Variants in CA10 observed in about 807,000 individuals in gnomAD.
CA10 encodes the protein carbonic anhydrase 10 (inactive), also known as carbonic anhydrase-related protein 10.
CA10 carries 14 observed loss-of-function variants against 44.2 expected under a neutral mutation model. That is an observed-to-expected ratio of 0.32 (90% CI 0.21 to 0.50). The LOEUF (loss-of-function observed/expected upper bound fraction) is 0.50, where lower values mean the gene tolerates loss of function less well. Among genes scored for constraint, CA10 ranks in the 20% least tolerant of loss-of-function variants. CA10 has a pLI of 0.99. For synonymous variants in CA10, 159 were observed against 141.6 expected (o/e 1.12, Z -0.87); for missense variants, 350 against 409.7 (o/e 0.85, Z 1.26).
intron 1 of CA10, among the ~76,000 whole-genome samples, chr17:52,133,409 G>A (rs192877081): frequency 2.6e-5 from 4 of 152,222 alleles, no homozygotes; most frequent in Admixed American, 6.5e-5. Context: ...TCAGAGATCC[G>A]CAATGCAGAG....
At chr17:52,039,162 G>A (rs1986699278) in intron 2 of CA10, among the ~76,000 whole-genome samples, 1 of 151,906 alleles carries the variant, frequency 6.6e-6, no homozygotes, top group Non-Finnish European at 1.5e-5. Context: ...TTATTTTCTT[G>A]TTCTTGATAT....
chr17:51,852,209 A>G (rs1802011997), intron 3 of CA10, among the ~76,000 whole-genome samples: 1 of 152,176 alleles, frequency 6.6e-6, no homozygotes, highest in South Asian at 2.1e-4. Flanking sequence ...GCAAGACAGT[A>G]TCAGGGTGGA....
intron 3 of CA10, among the ~76,000 whole-genome samples, chr17:51,929,754 C>A (rs77750959): frequency 2.2e-3 from 335 of 152,170 alleles, no homozygotes; most frequent in African/African-American, 7.6e-3. Context: ...AAGCTCCTTG[C>A]AGAATTTATA....
In CA10 at chr17:52,157,976, C is replaced by G. The variant is rs1989845683; in HGVS notation, c.-190G>C. The G allele has an allele frequency of 1.6e-6, 1 of 627,686 alleles. No homozygotes were observed. The highest frequency in any genetic ancestry group is 2.9e-6 in the Non-Finnish European group (1 of 347,856). 38.9% of individuals were successfully genotyped at this position (627,686 alleles called of 1,614,324 possible). On this transcript the variant is annotated 5_prime_UTR_variant, in exon 1 of 9. Coordinates refer to ENST00000451037, the MANE Select transcript of CA10 (RefSeq NM_020178.5). ...CGCAGTTTGAATTGTTCCGGCAAAT[C>G]TCCCCTCGGGCTCGACGGATGTGCG...
At chr17:51,982,231 G>T (rs534798867) in intron 2 of CA10, among the ~76,000 whole-genome samples, 2 of 152,012 alleles carry the variant, frequency 1.3e-5, no homozygotes, top group Non-Finnish European at 2.9e-5. Context: ...TTTAACATTT[G>T]CCAGTGTGTC....
chr17:52,112,076 G>A (rs1413267598), intron 1 of CA10, among the ~76,000 whole-genome samples: 2 of 151,952 alleles, frequency 1.3e-5, no homozygotes, highest in Non-Finnish European at 2.9e-5. Flanking sequence ...CTAAAGACTA[G>A]TTGTTGAATT....
intron 6 of CA10, among the ~76,000 whole-genome samples, chr17:51,638,544 T>C (rs1023110941): frequency 2.0e-5 from 3 of 152,204 alleles, no homozygotes; most frequent in African/African-American, 7.2e-5. Context: ...ACACACGACG[T>C]GAGGGACCTT....
At chr17:52,146,918 AT>A (rs911014649) in intron 1 of CA10, among the ~76,000 whole-genome samples, 3 of 151,574 alleles carry the variant, frequency 2.0e-5, no homozygotes, top group Non-Finnish European at 2.9e-5. Context: ...TAAATACAGA[AT>A]TTTTTTTCTT....
chr17:52,114,065 G>A (rs989812679), intron 1 of CA10, among the ~76,000 whole-genome samples: 16 of 152,210 alleles, frequency 1.1e-4, no homozygotes, highest in African/African-American at 3.9e-4. Context: ...GAGTCAGTAC[G>A]AATGAACAGG....
At chr17:51,985,991 GA>G (rs969365610) in intron 2 of CA10, among the ~76,000 whole-genome samples, 1 of 151,866 alleles carries the variant, frequency 6.6e-6, no homozygotes, top group East Asian at 1.9e-4. Flanking sequence ...TACAGAACTA[GA>G]AAAAACAATT....
chr17:51,988,018 TA>T (rs1984905752), intron 2 of CA10, among the ~76,000 whole-genome samples: 1 of 152,074 alleles, frequency 6.6e-6, no homozygotes, highest in Non-Finnish European at 1.5e-5. Context: ...TTCAAAATAA[TA>T]ATGTATCTTG....
chr17:51,722,870 G>T (rs1916391323), intron 4 of CA10, among the ~76,000 whole-genome samples: 1 of 152,194 alleles, frequency 6.6e-6, no homozygotes, highest in Admixed American at 6.5e-5. Flanking sequence ...GTCACTGGTA[G>T]AACTGGGTTA....
chr17:52,157,553 T>G (rs1281307971), intron 1 of CA10, among the ~76,000 whole-genome samples, 173 bp downstream of exon 1: 3 of 119,888 alleles, frequency 2.5e-5, no homozygotes. Flanking sequence ...AACACACACA[T>G]TCACACACCC....
At chr17:52,120,796 C>T (rs1012796320) in intron 1 of CA10, among the ~76,000 whole-genome samples, 52 of 152,162 alleles carry the variant, frequency 3.4e-4, no homozygotes, top group Admixed American at 2.7e-3. Flanking sequence ...GGTATTCGAT[C>T]TGTGAGGTGG....
chr17:51,820,201 G>A (rs981529389), intron 3 of CA10, among the ~76,000 whole-genome samples: 2 of 70,628 alleles, frequency 2.8e-5, no homozygotes, highest in African/African-American at 1.4e-4. Context: ...CCCCCCCCAG[G>A]TAATACCCCC....
intron 3 of CA10, among the ~76,000 whole-genome samples, chr17:51,905,385 T>G (rs117512828): frequency 0.026 from 3,913 of 152,254 alleles, 68 homozygotes; most frequent in Non-Finnish European, 0.037. Flanking sequence ...AGCTCTTGAC[T>G]GTTGGTTAAG....
At chr17:51,971,977 T>C (rs186692917) in intron 2 of CA10, among the ~76,000 whole-genome samples, 1 of 152,202 alleles carries the variant, frequency 6.6e-6, no homozygotes, top group Admixed American at 6.6e-5. Flanking sequence ...GAGTAGTCAT[T>C]TGATCACACT....
intron 4 of CA10, among the ~76,000 whole-genome samples, chr17:51,710,809 G>A (rs934352427): frequency 2.0e-5 from 3 of 151,752 alleles, no homozygotes; most frequent in Non-Finnish European, 2.9e-5. Flanking sequence ...GGCTGGCTCC[G>A]CGATTTCAAA....
intron 1 of CA10, among the ~76,000 whole-genome samples, chr17:52,094,554 C>T (rs1044863988): frequency 2.0e-5 from 3 of 151,988 alleles, no homozygotes; most frequent in Non-Finnish European, 4.4e-5. Context: ...TACATCCAGG[C>T]AAAATTATTG....
Sources: allele counts gnomAD v4.1 joint callset (sites outside exome capture counted in the v4.1 genomes callset), GRCh38; gene constraint gnomAD v4.1.1; transcripts MANE v1.5; gene names NCBI Gene and HGNC (gene_info 2026-07-23, HGNC 2026-07-21).